IVD: variants seen among roughly 807,000 people sequenced by gnomAD.
IVD encodes isovaleryl-CoA dehydrogenase, also known as isovaleryl-CoA dehydrogenase, mitochondrial.
Under a neutral mutation model 51.3 loss-of-function variants are expected in IVD, and 31 were observed. That is an observed-to-expected ratio of 0.60 (90% confidence interval 0.45 to 0.81). The LOEUF is 0.81. Among genes scored for constraint, IVD ranks in the 40% least tolerant of loss-of-function variants. The pLI is 0.00. For synonymous variants in IVD, 205 were observed against 219.4 expected (o/e 0.93, Z 0.58); for missense variants, 475 against 552.0 (o/e 0.86, Z 1.40).
At position 40,407,812 on chromosome 15, in the gene IVD, G is replaced by A. The variant is rs1052202141; in HGVS notation, c.234+87G>A. The A allele has an allele frequency of 2.2e-5, 31 of 1,421,340 alleles. No individual in the cohort carries two copies. The Admixed American group carries it at 5.2e-4, about 24-fold the overall frequency. 88.0% of individuals were successfully genotyped at this position (1,421,340 alleles called of 1,614,324 possible). On this transcript the variant is annotated intron_variant, in intron 2 of 11. Coordinates refer to ENST00000487418, the MANE Select transcript of IVD (RefSeq NM_002225.5). Reference sequence around the variant, plus strand: ...CCTGGAAGAGCTCACACAGTTTTCTGGTAAATGAAGCCTCTCTAAGAATGC... The same window carrying A: ...CCTGGAAGAGCTCACACAGTTTTCTAGTAAATGAAGCCTCTCTAAGAATGC...
Position 40,412,948 on chromosome 15 carries a change from G to A in IVD, c.688-43G>A, listed in dbSNP as rs371702401. 9.7e-6 allele frequency: 15 copies of A among 1,551,446 alleles called. No homozygotes were observed. In the African/African-American group the frequency reaches 1.8e-4, roughly 18 times the overall value. On this transcript the variant is annotated intron_variant, in intron 6 of 11. Transcript: ENST00000487418. ...GGCCTTTCCTTTACCAGGCCCCCTT[G>A]GGGCTAATCTGTAACCAGGACCACC... is the stretch of plus-strand genomic sequence containing the variant.
At position 40,416,274 on chromosome 15, in the gene IVD, C is replaced by G; in HGVS notation, c.1066-16C>G. ...GTGCCTCGCAGGGCCCTGCTGACCC[C>G]AGCTTCCTCCCGTAGGACTGTGCAG... On this transcript the variant is annotated splice_polypyrimidine_tract_variant and intron_variant, in intron 10 of 11. Transcript: ENST00000487418. 1 of 1,614,232 alleles carries G rather than the reference C, an allele frequency of 6.2e-7. No homozygotes were observed.
chr15:40,411,301 G>A lies in IVD; in HGVS notation c.498G>A (p.Glu166=), dbSNP rs1891054324. 6.2e-7 allele frequency: 1 copy of A among 1,614,086 alleles called. No individual in the cohort carries two copies. Among genetic ancestry groups the A allele is most frequent in the Non-Finnish European group, 8.5e-7 (1 of 1,179,918 alleles). The change falls in exon 5 of 12, where the codon GAG becomes GAA. Residue 166 remains glutamate (E), a synonymous_variant. Transcript: ENST00000487418. The stretch of plus-strand genomic sequence containing the variant: ...ACATCGGAGCCCTGGCCATGAGTGA[G>A]CCCAATGCAGGCTCTGATGTTGTCT... ...GEYIGALAMS[E]PNAGSDVVSM...
chr15:40,414,924 T>C lies in IVD; in HGVS notation c.820T>C (p.Tyr274His). Residue 274 changes from tyrosine (Y) to histidine (H), a missense_variant, in exon 8 of 12, where the codon TAC (tyrosine) becomes CAC (histidine). Tyr to His is a moderately conservative substitution (Grantham distance 83, BLOSUM62 2). Transcript: ENST00000487418. ...NILGHENKGV[Y>H]VLMSGLDLER... ...CCTGGGCCATGAGAATAAGGGTGTC[T>C]ACGTGCTGATGAGTGGGCTGGACCT... The C allele has an allele frequency of 6.2e-7, 1 of 1,614,154 alleles. No homozygotes were observed. Among genetic ancestry groups the C allele is most frequent in the South Asian group, 1.1e-5 (1 of 91,082 alleles).
intron 7 of IVD, 66 bp downstream of exon 7, chr15:40,413,153 C>G (rs73385108): frequency 2.1e-5 from 28 of 1,306,252 alleles, no homozygotes; most frequent in African/African-American, 4.4e-5. Context: ...TGGCTGTTCT[C>G]AAGTTGAGAA....
At chr15:40,423,988 C>A, downstream of IVD, 1 of 330,376 alleles carries the variant, frequency 3.0e-6, no homozygotes, top group South Asian at 2.3e-5. Context: ...TCCCTGTGTG[C>A]GCCACTTGGT....
At position 40,420,131 on chromosome 15, in the gene IVD, A is replaced by T; in HGVS notation, c.*1868A>T. 1 of 973,412 alleles carries T rather than the reference A, an allele frequency of 1.0e-6. No homozygotes were observed. The highest frequency in any genetic ancestry group is 1.2e-6 in the Non-Finnish European group (1 of 825,360). 60.3% of individuals were successfully genotyped at this position (973,412 alleles called of 1,614,324 possible). On this transcript the variant is annotated 3_prime_UTR_variant, in exon 12 of 12. Transcript: ENST00000487418. ...AAATAATAATAAAATAAATGAACAC[A>T]CATGCTGCTGAGTCCGCAGGGGGGG...
At chr15:40,410,882 G>A in intron 4 of IVD, 85 bp downstream of exon 4, 2 of 1,496,762 alleles carry the variant, frequency 1.3e-6, no homozygotes, top group South Asian at 2.4e-5. Flanking sequence ...GGGCCAGTCA[G>A]ACCTGCTTTC....
chr15:40,430,788 G>A (rs1349804488), intron 7 of IVD, among the ~76,000 whole-genome samples: 1 of 152,242 alleles, frequency 6.6e-6, no homozygotes, highest in Non-Finnish European at 1.5e-5. Flanking sequence ...GAAGTTGGCT[G>A]AAGTGTATCT....
Position 40,420,314 on chromosome 15 carries a change from G to A in IVD, c.*2051G>A, listed in dbSNP as rs1892180889. On this transcript the variant is annotated 3_prime_UTR_variant, in exon 12 of 12. Coordinates refer to ENST00000487418, the MANE Select transcript of IVD (RefSeq NM_002225.5). The stretch of plus-strand genomic sequence containing the variant: ...TGGGCAGCAGGCACAGGCCCTACCC[G>A]AGCAGGCCGGAGTTGGCTCGCATGA... 4 of 987,692 alleles carry A rather than the reference G, an allele frequency of 4.0e-6. No individual in the cohort carries two copies. Among genetic ancestry groups the A allele is most frequent in the East Asian group, 1.1e-4 (1 of 8,812 alleles). 61.2% of individuals were successfully genotyped at this position (987,692 alleles called of 1,614,324 possible).
rs1892272616 is a variant in IVD, at chr15:40,421,233, A to T, written c.*2970A>T. Reference sequence around the variant, plus strand: ...CTGTCTAAGCCCTGTCGACTTGGGGAGGTGATTTCTTTCCTGGTTCTATAT... The same window carrying T: ...CTGTCTAAGCCCTGTCGACTTGGGGTGGTGATTTCTTTCCTGGTTCTATAT... On this transcript the variant is annotated 3_prime_UTR_variant, in exon 12 of 12. Transcript: ENST00000487418. 1.0e-6 allele frequency: 1 copy of T among 985,280 alleles called. No homozygotes were observed. The highest frequency in any genetic ancestry group is 1.2e-6 in the Non-Finnish European group (1 of 829,922). The allele number at this position is 985,280 out of a possible 1,614,324, so 61.0% of individuals were successfully genotyped here.
chr15:40,432,274 C>T (rs969473881), intron 7 of IVD, among the ~76,000 whole-genome samples: 3 of 152,200 alleles, frequency 2.0e-5, no homozygotes, highest in African/African-American at 7.2e-5. Context: ...GTCACTTTTC[C>T]AGTTACTAAT....
chr15:40,412,859 T>G (rs1891226098), intron 6 of IVD, 132 bp from the exon 7 acceptor site: 1 of 726,166 alleles, frequency 1.4e-6, no homozygotes, highest in East Asian at 2.7e-5. Flanking sequence ...AGCATGGGAC[T>G]AGGATGCTGC....
rs529843170 is a variant in IVD, at chr15:40,420,151, G to C, written c.*1888G>C. 111 of 879,960 alleles carry C rather than the reference G, an allele frequency of 1.3e-4. No homozygotes were observed. Among genetic ancestry groups the C allele is most frequent in the African/African-American group, 8.6e-4 (35 of 40,896 alleles). The allele number at this position is 879,960 out of a possible 1,614,324, so 54.5% of individuals were successfully genotyped here. ...AACACACATGCTGCTGAGTCCGCAG[G>C]GGGGGCAGAGCAGAGGACAGCGTGC... On this transcript the variant is annotated 3_prime_UTR_variant, in exon 12 of 12. Transcript: ENST00000487418.
chr15:40,410,800 G>A lies in IVD; in HGVS notation c.456+3G>A, dbSNP rs1172029944. Reference sequence around the variant, plus strand: ...AGAAAGAGAAGTATCTCCCGAAGGTGAGGAAATGGAAATGTAATACACGCT... The same window carrying A: ...AGAAAGAGAAGTATCTCCCGAAGGTAAGGAAATGGAAATGTAATACACGCT... On this transcript the variant is annotated splice_donor_region_variant and intron_variant, in intron 4 of 11. Transcript: ENST00000487418. 5.6e-6 allele frequency: 9 copies of A among 1,614,070 alleles called. No homozygotes were observed. Among genetic ancestry groups the A allele is most frequent in the Admixed American group, 1.7e-5 (1 of 60,000 alleles).
chr15:40,430,718 A>G (rs1892925171), intron 7 of IVD, among the ~76,000 whole-genome samples: 1 of 45,644 alleles, frequency 2.2e-5, no homozygotes, highest in African/African-American at 2.5e-4. Flanking sequence ...TTGACTCTTA[A>G]AACTGCCAGT....
chr15:40,411,741 G>A, intron 6 of IVD, 50 bp downstream of exon 6: 2 of 1,600,546 alleles, frequency 1.2e-6, no homozygotes, highest in Non-Finnish European at 1.7e-6. Context: ...CCTGACAGTG[G>A]TACCAGAGAT....
At chr15:40,410,380 T>C (rs1170266916) in intron 3 of IVD, among the ~76,000 whole-genome samples, 2 of 152,242 alleles carry the variant, frequency 1.3e-5, no homozygotes, top group African/African-American at 4.8e-5. Flanking sequence ...GAAGTCTGTC[T>C]GGGATAAAGC....
At chr15:40,412,939 G>T in intron 6 of IVD, 52 bp from the exon 7 acceptor site, 2 of 1,486,882 alleles carry the variant, frequency 1.3e-6, no homozygotes, top group Non-Finnish European at 1.9e-6. Context: ...TCCTTTACCA[G>T]GCCCCCTTGG....
Sources: gnomAD v4.1 joint callset for allele counts (sites outside exome capture counted in the v4.1 genomes callset) on GRCh38, gnomAD v4.1.1 for gene constraint, MANE v1.5 for transcripts, NCBI Gene and HGNC (gene_info 2026-07-23, HGNC 2026-07-21) for gene names.